Variants in TMEM132D observed in about 807,000 individuals in gnomAD.
TMEM132D encodes the protein transmembrane protein 132D.
A neutral mutation model predicts 62.3 loss-of-function variants in TMEM132D; 21 were observed. That is an observed-to-expected ratio of 0.34 (90% CI 0.24 to 0.49). The LOEUF is 0.49. TMEM132D is among the 20% of genes least tolerant of loss of function. TMEM132D has a pLI of 0.99. For synonymous variants in TMEM132D, 621 were observed against 575.6 expected (o/e 1.08, Z -1.13); for missense variants, 1,346 against 1,402.8 (o/e 0.96, Z 0.65).
intron 2 of TMEM132D, among the ~76,000 whole-genome samples, chr12:129,660,263 G>A (rs1013838615): frequency 5.3e-5 from 8 of 152,106 alleles, no homozygotes; most frequent in African/African-American, 1.9e-4. Flanking sequence ...GTAACCAAAT[G>A]CTCTGAGACC....
At position 129,700,027 on chromosome 12, in the gene TMEM132D, G is replaced by A. The variant is rs892889748; in HGVS notation, c.751C>T (p.Arg251Trp). Residue 251 changes from arginine to tryptophan, a missense_variant, in exon 2 of 9, where the codon CGG becomes TGG. Arg to Trp is a moderately radical substitution (Grantham distance 101, BLOSUM62 -3). Coordinates refer to ENST00000422113, the MANE Select transcript of TMEM132D (RefSeq NM_133448.3). ...REDARRSNGI[R>W]TGHSDIDESG... ...TCATCGATGTCACTGTGGCCTGTCC[G>A]GATCCCATTGCTTCTCCTCGCGTCT... 2 of 1,613,940 alleles carry A rather than the reference G, an allele frequency of 1.2e-6. No homozygotes were observed. The highest frequency in any genetic ancestry group is 1.7e-6 in the Non-Finnish European group (2 of 1,180,044).
intron 1 of TMEM132D, among the ~76,000 whole-genome samples, chr12:129,747,388 C>A (rs907786777): frequency 2.0e-5 from 3 of 151,746 alleles, no homozygotes; most frequent in African/African-American, 7.3e-5. Flanking sequence ...TTTGAAAGCT[C>A]CACACACACA....
At chr12:129,847,762 C>A (rs547168774) in intron 1 of TMEM132D, among the ~76,000 whole-genome samples, 2 of 152,210 alleles carry the variant, frequency 1.3e-5, no homozygotes, top group African/African-American at 4.8e-5. Context: ...GCAGCTTCCA[C>A]TTCCTGTCTT....
At chr12:129,713,625 G>A (rs1411423779) in intron 1 of TMEM132D, among the ~76,000 whole-genome samples, 2 of 152,184 alleles carry the variant, frequency 1.3e-5, no homozygotes, top group Non-Finnish European at 2.9e-5. Flanking sequence ...CAGCTGCACT[G>A]ATGAACTCAG....
intron 3 of TMEM132D, among the ~76,000 whole-genome samples, chr12:129,419,348 C>T (rs565245021): frequency 1.3e-5 from 2 of 152,200 alleles, no homozygotes; most frequent in East Asian, 3.9e-4. Flanking sequence ...CTAGCAATTC[C>T]ATGGGACCTC....
Position 129,433,413 on chromosome 12 carries a change from A to G in TMEM132D, c.1116-95596T>C, listed in dbSNP as rs140915736. On this transcript the variant is annotated intron_variant, in intron 3 of 8. Transcript: ENST00000422113. ...TCCAGTAATTCCGCACTCTCAATTA[A>G]TTGGTAATATTTGATATAAAATTGT... 7.1e-4 allele frequency among the ~76,000 whole-genome samples: 108 copies of G among 152,316 alleles called. 1 individual carries two copies. Among genetic ancestry groups the G allele is most frequent in the African/African-American group, 2.5e-3 (105 of 41,582 alleles).
chr12:129,450,063 G>T (rs1377664745), intron 3 of TMEM132D, among the ~76,000 whole-genome samples: 2 of 151,974 alleles, frequency 1.3e-5, no homozygotes, highest in African/African-American at 4.8e-5. Flanking sequence ...TTCTGCACGG[G>T]TTTTTTTCTC....
At chr12:129,283,284 C>A (rs533594696) in intron 4 of TMEM132D, among the ~76,000 whole-genome samples, 21 of 152,304 alleles carry the variant, frequency 1.4e-4, no homozygotes, top group African/African-American at 5.1e-4. Context: ...CTCTGCCTCC[C>A]AGGTTCAAGT....
At chr12:129,186,237 C>G (rs993207567) in intron 5 of TMEM132D, among the ~76,000 whole-genome samples, 13 of 152,212 alleles carry the variant, frequency 8.5e-5, no homozygotes, top group Admixed American at 2.6e-4. Flanking sequence ...TGGTGCATCT[C>G]CAGCTCACAT....
At chr12:129,083,292 T>A (rs1040344536) in intron 6 of TMEM132D, among the ~76,000 whole-genome samples, 1 of 152,144 alleles carries the variant, frequency 6.6e-6, no homozygotes, top group East Asian at 1.9e-4. Flanking sequence ...TCTGTGCAGT[T>A]TGCCCTTTGA....
intron 3 of TMEM132D, among the ~76,000 whole-genome samples, chr12:129,388,632 T>G (rs1355899546): frequency 7.4e-5 from 9 of 121,826 alleles, no homozygotes; most frequent in African/African-American, 2.3e-4. Context: ...ATGATAATAT[T>G]AACACTAACA....
chr12:129,185,773 G>GTCTGTCTGTCTATCTATCTATCTA (rs796145548), intron 5 of TMEM132D, among the ~76,000 whole-genome samples: 59 of 136,016 alleles, frequency 4.3e-4, no homozygotes, highest in African/African-American at 9.4e-4. Flanking sequence ...CTGTCTGTCT[G>GTCTGTCTGTCTATCTATCTATCTA]TCTATCTATC....
chr12:129,257,788 C>T (rs1224690739), intron 4 of TMEM132D, among the ~76,000 whole-genome samples: 3 of 152,174 alleles, frequency 2.0e-5, no homozygotes, highest in African/African-American at 4.8e-5. Flanking sequence ...CTACAGAAGG[C>T]ATCCCAATAC....
rs537648243 is a variant in TMEM132D at position 129,385,083 on chromosome 12, T to C, written c.1116-47266A>G. On this transcript the variant is annotated intron_variant, in intron 3 of 8. Coordinates refer to ENST00000422113, the MANE Select transcript of TMEM132D (RefSeq NM_133448.3). ...AAATGAGCATTTTACACTGTTAAAG[T>C]TCTTTTTTTTTTTTTTTTTTTTTTT... Among the ~76,000 whole-genome samples the C allele has an allele frequency of 2.4e-3, 278 of 116,670 alleles. 1 individual carries two copies. The highest frequency in any genetic ancestry group is 3.8e-3 in the Non-Finnish European group (217 of 56,986). The allele number at this position is 116,670 out of a possible 152,430, so 76.5% of individuals were successfully genotyped here. A position where few individuals can be genotyped will look rare whatever the true frequency, so the allele number is the denominator to read the frequency against.
At chr12:129,294,732 C>CT (rs1881526912) in intron 4 of TMEM132D, among the ~76,000 whole-genome samples, 1 of 152,194 alleles carries the variant, frequency 6.6e-6, no homozygotes, top group Non-Finnish European at 1.5e-5. Flanking sequence ...ATTTTCTCTA[C>CT]TTTTTTCAAT....
At chr12:129,356,583 C>G (rs577390285) in intron 3 of TMEM132D, among the ~76,000 whole-genome samples, 1 of 151,300 alleles carries the variant, frequency 6.6e-6, no homozygotes, top group South Asian at 2.1e-4. Flanking sequence ...TTTGGGAGGC[C>G]TAGGCGGGAG....
chr12:129,086,624 A>T (rs973236424), intron 5 of TMEM132D, among the ~76,000 whole-genome samples: 1 of 149,644 alleles, frequency 6.7e-6, no homozygotes, highest in African/African-American at 2.4e-5. Context: ...ATATTTATAT[A>T]TTGTATATTT....
chr12:129,122,166 G>C (rs1236222240), intron 5 of TMEM132D, among the ~76,000 whole-genome samples: 1 of 152,202 alleles, frequency 6.6e-6, no homozygotes, highest in Non-Finnish European at 1.5e-5. Flanking sequence ...TGTCCTCACT[G>C]TAAATTTAGC....
chr12:129,302,296 G>T (rs1281371413), intron 4 of TMEM132D, among the ~76,000 whole-genome samples: 2 of 152,156 alleles, frequency 1.3e-5, no homozygotes, highest in Non-Finnish European at 2.9e-5. Flanking sequence ...TGTAGTTTTC[G>T]TAGAGATGGG....
Sources: gnomAD v4.1 joint callset for allele counts (sites outside exome capture counted in the v4.1 genomes callset) on GRCh38, gnomAD v4.1.1 for gene constraint, MANE v1.5 for transcripts, NCBI Gene and HGNC (gene_info 2026-07-23, HGNC 2026-07-21) for gene names.